Variants in SMARCA5 observed in about 807,000 individuals in gnomAD.
SMARCA5 encodes SNF2 related chromatin remodeling ATPase 5, also known as SWI/SNF-related matrix-associated actin-dependent regulator of chromatin subfamily A member 5.
SMARCA5 carries 18 observed loss-of-function variants against 140.4 expected under a neutral mutation model. That is an observed-to-expected ratio of 0.13 (90% CI 0.09 to 0.19). SMARCA5 has a LOEUF of 0.19. Among genes scored for constraint, SMARCA5 ranks in the 10% least tolerant of loss-of-function variants. The pLI is 1.00. For missense variants in SMARCA5, 606 were observed against 1,276.8 expected, an observed-to-expected ratio of 0.47 and a Z score of 8.01; for synonymous variants, 449 against 419.6, an observed-to-expected ratio of 1.07 and a Z score of -0.86.
intron 17 of SMARCA5, 40 bp from the exon 18 acceptor site, chr4:143,545,430 T>G (rs1401638690): frequency 7.5e-7 from 1 of 1,331,804 alleles, no homozygotes; most frequent in South Asian, 1.2e-5. Flanking sequence ...AAAATGAAAT[T>G]TCTTTTTTAT....
intron 2 of SMARCA5, among the ~76,000 whole-genome samples, chr4:143,519,432 TC>T (rs1251982235): frequency 7.2e-5 from 11 of 152,150 alleles, no homozygotes; most frequent in Non-Finnish European, 1.2e-4. Flanking sequence ...TCTGGCCCCT[TC>T]CAAGTTTCTT....
intron 14 of SMARCA5, among the ~76,000 whole-genome samples, chr4:143,543,258 G>A (rs544457122): frequency 2.6e-5 from 4 of 152,128 alleles, no homozygotes; most frequent in South Asian, 4.2e-4. Flanking sequence ...ATTATATTTC[G>A]TTGGCACAGT....
chr4:143,549,970 C>A, intron 22 of SMARCA5, 27 bp from the exon 23 acceptor site: 1 of 1,250,528 alleles, frequency 8.0e-7, no homozygotes, highest in Non-Finnish European at 1.2e-6. Flanking sequence ...ATGGAAAGTG[C>A]GTGTACCATG....
rs138033387 is a variant in SMARCA5, at chr4:143,536,415, C to CA, written c.1269-36dup. On this transcript the variant is annotated intron_variant, in intron 10 of 23. Coordinates refer to ENST00000283131, the MANE Select transcript of SMARCA5 (RefSeq NM_003601.4). The stretch of plus-strand genomic sequence containing the variant: ...AAAGTGGCAGGGATTGATCAAGGAA[C>CA]ATTTGAGCTCTAAAAATGTTTTTCT... 2.4e-3 allele frequency: 3,423 copies of CA among 1,416,726 alleles called. 72 individuals carry two copies. In the African/African-American group the frequency reaches 0.042, roughly 18 times the overall value. The allele number at this position is 1,416,726 out of a possible 1,614,324, so 87.8% of individuals were successfully genotyped here. A position where few individuals can be genotyped will look rare whatever the true frequency, so the allele number is the denominator to read the frequency against.
At chr4:143,522,099 T>G (rs865911241) in intron 3 of SMARCA5, among the ~76,000 whole-genome samples, 1 of 152,098 alleles carries the variant, frequency 6.6e-6, no homozygotes, top group Non-Finnish European at 1.5e-5. Flanking sequence ...GAATCTGACT[T>G]GGGTGTGCTC....
intron 21 of SMARCA5, 71 bp downstream of exon 21, chr4:143,547,574 T>C: frequency 1.2e-6 from 1 of 810,654 alleles, no homozygotes; most frequent in Non-Finnish European, 2.1e-6. Context: ...AGAGTGACTT[T>C]TTATAAAGGA....
intron 3 of SMARCA5, 132 bp from the exon 4 acceptor site, chr4:143,524,235 G>A: frequency 1.8e-6 from 1 of 546,114 alleles, no homozygotes. Flanking sequence ...ATTTTCTACT[G>A]TCCACTGGTT....
intron 3 of SMARCA5, among the ~76,000 whole-genome samples, chr4:143,523,392 A>G (rs1324327477): frequency 6.6e-6 from 1 of 152,134 alleles, no homozygotes; most frequent in African/African-American, 2.4e-5. Flanking sequence ...ATGACATCTC[A>G]GCTTTTAAGT....
At chr4:143,526,208 T>TA (rs1415700913) in intron 5 of SMARCA5, 73 bp from the exon 6 acceptor site, 20 of 1,167,086 alleles carry the variant, frequency 1.7e-5, no homozygotes, top group Non-Finnish European at 2.5e-5. Context: ...AACATTTCTA[T>TA]ATGTTGGGAG....
At chr4:143,537,136 T>C (rs768449813) in intron 11 of SMARCA5, among the ~76,000 whole-genome samples, 2 of 152,104 alleles carry the variant, frequency 1.3e-5, no homozygotes, top group Admixed American at 6.6e-5. Context: ...TTTATGAAAA[T>C]GGGTATGTCT....
chr4:143,525,663 C>G, intron 5 of SMARCA5, 112 bp downstream of exon 5: 1 of 690,886 alleles, frequency 1.4e-6, no homozygotes, highest in Non-Finnish European at 2.6e-6. Context: ...CTCTCAGAAA[C>G]TAGTATAAGC....
rs758903969 is a variant in SMARCA5, at chr4:143,534,893, T to A, written c.1197T>A (p.Asp399Glu). 1 of 1,613,362 alleles carries A rather than the reference T, an allele frequency of 6.2e-7. No homozygotes were observed. The highest frequency in any genetic ancestry group is 1.1e-5 in the South Asian group (1 of 90,880). ...RPFLLRRIKA[D>E]VEKSLPPKKE... ...TCCTCCTTCGTCGAATTAAGGCTGA[T>A]GTTGAAAAGAGTTTGCCTCCAAAGA... Residue 399 changes from aspartate (D) to glutamate (E), a missense_variant, in exon 10 of 24, where the codon GAT becomes GAA. By Grantham distance (45) the Asp-to-Glu change is conservative (BLOSUM62 2). This residue lies in a region of SMARCA5 where 25 missense variants were observed against 108.7 expected (regional missense o/e 0.23). Coordinates refer to ENST00000283131, the MANE Select transcript of SMARCA5 (RefSeq NM_003601.4).
At chr4:143,548,325 G>GACCAATA in intron 22 of SMARCA5, 185 bp downstream of exon 22, 1 of 427,974 alleles carries the variant, frequency 2.3e-6, no homozygotes, top group Non-Finnish European at 4.2e-6. Context: ...AGTATCTTAC[G>GACCAATA]TCTTTAAATA....
chr4:143,514,394 G>A, intron 1 of SMARCA5: 1 of 353,988 alleles, frequency 2.8e-6, no homozygotes, highest in Non-Finnish European at 5.1e-6. Context: ...ACCGTGGCCC[G>A]GGGGACCCAT....
At position 143,557,317 on chromosome 4, in the gene SMARCA5, A is replaced by G. The variant is rs1342261823; in HGVS notation, c.*4133A>G. The G allele has an allele frequency of 6.6e-6, 1 of 152,236 alleles. No individual in the cohort carries two copies. Among genetic ancestry groups the G allele is most frequent in the Non-Finnish European group, 1.5e-5 (1 of 68,042 alleles). 9.4% of individuals were successfully genotyped at this position (152,236 alleles called of 1,614,324 possible). A position where few individuals can be genotyped will look rare whatever the true frequency, so the allele number is the denominator to read the frequency against. ...CAATGTAAACACTACATTGACAAAA[A>G]TATTTTATTAATACAAAGAATATGC... On this transcript the variant is annotated 3_prime_UTR_variant, in exon 24 of 24. Transcript: ENST00000283131.
intron 1 of SMARCA5, 50 bp from the exon 2 acceptor site, chr4:143,517,305 T>C (rs374333932): frequency 3.0e-4 from 409 of 1,357,506 alleles, no homozygotes; most frequent in Non-Finnish European, 3.9e-4. Context: ...TATAATGGTA[T>C]GTTTACTATT....
chr4:143,553,826 G>C lies in SMARCA5; in HGVS notation c.*642G>C, dbSNP rs1737694341. On this transcript the variant is annotated 3_prime_UTR_variant, in exon 24 of 24. Transcript: ENST00000283131. ...ATGGCCTTTTAGTTGTATAGCCAAA[G>C]ACATTTAGTATTTTCCGGTTCCTTA... 2 of 151,842 alleles carry C rather than the reference G, an allele frequency of 1.3e-5. No homozygotes were observed. The highest frequency in any genetic ancestry group is 1.3e-4 in the Admixed American group (2 of 15,252). The allele number at this position is 151,842 out of a possible 1,614,324, so 9.4% of individuals were successfully genotyped here. A position where few individuals can be genotyped will look rare whatever the true frequency, so the allele number is the denominator to read the frequency against.
At chr4:143,524,573 A>G (rs1737029429) in intron 4 of SMARCA5, 106 bp downstream of exon 4, 1 of 668,776 alleles carries the variant, frequency 1.5e-6, no homozygotes, top group Non-Finnish European at 2.7e-6. Context: ...AATTTTTAGT[A>G]GTCTTAGATG....
In SMARCA5 at chr4:143,525,565, G is replaced by T. The variant is rs954408779; in HGVS notation, c.621+14G>T. The T allele has an allele frequency of 7.2e-6, 11 of 1,532,890 alleles. No individual in the cohort carries two copies. The highest frequency in any genetic ancestry group is 3.4e-4 in the Middle Eastern group (2 of 5,948). 95.0% of individuals were successfully genotyped at this position (1,532,890 alleles called of 1,614,324 possible). A position where few individuals can be genotyped will look rare whatever the true frequency, so the allele number is the denominator to read the frequency against. On this transcript the variant is annotated intron_variant, in intron 5 of 23. Transcript: ENST00000283131. ...GCAGATGAAATGGTATGTGTTGGTA[G>T]TTTTTTTTGAAGGGTATGTTTTGTA...
Sources: gnomAD v4.1 joint callset for allele counts (sites outside exome capture counted in the v4.1 genomes callset) on GRCh38, gnomAD v4.1.1 for gene constraint, gnomAD v4.1.1 regional missense constraint, MANE v1.5 for transcripts, NCBI Gene and HGNC (gene_info 2026-07-23, HGNC 2026-07-21) for gene names.